The following MBP variants were observed in gnomAD, a reference collection of about 807,000 sequenced individuals.
The protein encoded by MBP is Golli-MBP.
Under a neutral mutation model 35.8 loss-of-function variants are expected in MBP, and 16 were observed. The ratio of observed to expected loss-of-function variants is 0.45; its 90% confidence interval spans 0.30 to 0.68. The LOEUF is 0.68. Among genes scored for constraint, MBP ranks in the 30% least tolerant of loss-of-function variants. MBP has a pLI of 0.08. For missense variants in MBP, 380 were observed against 404.7 expected, an observed-to-expected ratio of 0.94 and a Z score of 0.52; for synonymous variants, 143 against 159.6, an observed-to-expected ratio of 0.90 and a Z score of 0.78.
chr18:76,994,185 C>T (rs117483045), intron 4 of MBP, among the ~76,000 whole-genome samples: 31 of 152,328 alleles, frequency 2.0e-4, no homozygotes, highest in South Asian at 8.3e-4. Context: ...GTCTACCAGA[C>T]GAAGTTACTT....
chr18:77,113,510 C>G (rs1436292125), intron 1 of MBP: 1 of 152,322 alleles, frequency 6.6e-6, no homozygotes, highest in African/African-American at 2.4e-5. Context: ...TGTGGTGCCG[C>G]CTTGCAGCAG....
chr18:76,998,026 A>G lies in MBP; in HGVS notation c.577-7966T>C, dbSNP rs536081814. Reference sequence around the variant, plus strand: ...TAATTTTTTTATTGTGGTGAAACACACATAAAACTTACCATTCTAACAATT... The same window carrying G: ...TAATTTTTTTATTGTGGTGAAACACGCATAAAACTTACCATTCTAACAATT... On this transcript the variant is annotated intron_variant, in intron 4 of 8. Coordinates refer to ENST00000355994, the MANE Select transcript of MBP (RefSeq NM_001025101.2). Among the ~76,000 whole-genome samples the G allele has an allele frequency of 4.7e-4, 72 of 152,338 alleles. 1 individual carries two copies. Among genetic ancestry groups the G allele is most frequent in the African/African-American group, 1.7e-3 (71 of 41,590 alleles).
rs1053433720 is a variant in MBP at position 76,979,759 on chromosome 18, C to T, written c.*668G>A. 7.5e-5 allele frequency: 44 copies of T among 584,538 alleles called. No homozygotes were observed. Among genetic ancestry groups the T allele is most frequent in the Non-Finnish European group, 5.5e-5 (18 of 328,908 alleles). 36.2% of individuals were successfully genotyped at this position (584,538 alleles called of 1,614,324 possible). A position where few individuals can be genotyped will look rare whatever the true frequency, so the allele number is the denominator to read the frequency against. Reference sequence around the variant, plus strand: ...GCCTCCTTTTCCTCCCTCTGCCACACGCGAATTCAGCTAATTGGGGTGTGT... The same window carrying T: ...GCCTCCTTTTCCTCCCTCTGCCACATGCGAATTCAGCTAATTGGGGTGTGT... On this transcript the variant is annotated 3_prime_UTR_variant, in exon 9 of 9. Coordinates refer to ENST00000355994, the MANE Select transcript of MBP (RefSeq NM_001025101.2).
At chr18:77,042,992 A>G (rs754743884) in intron 3 of MBP, among the ~76,000 whole-genome samples, 2 of 152,266 alleles carry the variant, frequency 1.3e-5, no homozygotes, top group Admixed American at 6.5e-5. Flanking sequence ...ATGGCCTTGG[A>G]TAACTCTCTT....
At chr18:77,089,834 C>G (rs1425266155) in intron 2 of MBP, among the ~76,000 whole-genome samples, 1 of 152,220 alleles carries the variant, frequency 6.6e-6, no homozygotes, top group Non-Finnish European at 1.5e-5. Context: ...GAAGTCAGTT[C>G]AGGCCCTTGT....
intron 3 of MBP, among the ~76,000 whole-genome samples, chr18:77,027,223 G>A (rs1220397085): frequency 1.3e-5 from 2 of 152,080 alleles, no homozygotes; most frequent in Non-Finnish European, 2.9e-5. Context: ...ACCATGTACT[G>A]GGAATATAAT....
intron 3 of MBP, among the ~76,000 whole-genome samples, chr18:77,061,866 T>G (rs1056072970): frequency 6.6e-6 from 1 of 152,232 alleles, no homozygotes; most frequent in Non-Finnish European, 1.5e-5. Flanking sequence ...ACACAGATAT[T>G]TCTATCTCCA....
Position 77,076,064 on chromosome 18 carries a change from C to T in MBP, c.52-9679G>A, listed in dbSNP as rs369243058. On this transcript the variant is annotated intron_variant, in intron 2 of 8. Coordinates refer to ENST00000355994, the MANE Select transcript of MBP (RefSeq NM_001025101.2). Reference sequence around the variant, plus strand: ...CAAAGAGCACTGTGAGTGTGAGTTACGGAATGGCAGTGACGGTTTATGCTA... The same window carrying T: ...CAAAGAGCACTGTGAGTGTGAGTTATGGAATGGCAGTGACGGTTTATGCTA... Among the ~76,000 whole-genome samples the T allele has an allele frequency of 1.6e-4, 24 of 152,338 alleles. No homozygotes were observed. In the South Asian group the frequency reaches 1.9e-3, roughly 12 times the overall value.
At chr18:77,098,594 A>G (rs1036264814) in intron 2 of MBP, among the ~76,000 whole-genome samples, 1 of 152,232 alleles carries the variant, frequency 6.6e-6, no homozygotes, top group African/African-American at 2.4e-5. Context: ...GTGTGTTGTC[A>G]GAGAAAATTC....
chr18:77,043,834 C>T (rs1471508678), intron 3 of MBP, among the ~76,000 whole-genome samples: 1 of 152,184 alleles, frequency 6.6e-6, no homozygotes, highest in African/African-American at 2.4e-5. Context: ...ATTTAAGTCG[C>T]TGTTTCCACA....
At chr18:77,051,965 C>T (rs573319465) in intron 3 of MBP, among the ~76,000 whole-genome samples, 8 of 152,266 alleles carry the variant, frequency 5.3e-5, no homozygotes, top group African/African-American at 1.9e-4. Context: ...CAGGGACATG[C>T]CCTTCTCTCA....
At chr18:77,067,799 T>A (rs938171735) in intron 2 of MBP, 3 of 508,936 alleles carry the variant, frequency 5.9e-6, no homozygotes, top group African/African-American at 5.8e-5. Flanking sequence ...CCATAATATG[T>A]ACATAGTCTC....
intron 4 of MBP, among the ~76,000 whole-genome samples, chr18:76,991,374 A>G (rs1441209983): frequency 6.6e-6 from 1 of 152,168 alleles, no homozygotes; most frequent in African/African-American, 2.4e-5. Flanking sequence ...GGGAAAAGCC[A>G]TGAGCGCCCG....
At chr18:77,008,638 C>A (rs187690726) in intron 4 of MBP, among the ~76,000 whole-genome samples, 2 of 152,194 alleles carry the variant, frequency 1.3e-5, no homozygotes, top group African/African-American at 2.4e-5. Flanking sequence ...TGTCTGGCCC[C>A]GGCTCCCCCA....
chr18:76,979,928 T>C lies in MBP; in HGVS notation c.*499A>G, dbSNP rs1969081792. On this transcript the variant is annotated 3_prime_UTR_variant, in exon 9 of 9. Transcript: ENST00000355994. ...GACTGTCTAATCCTGTTAGGAAAAA[T>C]GAAGTCTACTTTAGGAGGTGAGAGA... 1 of 701,598 alleles carries C rather than the reference T, an allele frequency of 1.4e-6. No individual in the cohort carries two copies. The highest frequency in any genetic ancestry group is 2.0e-5 in the Admixed American group (1 of 49,884). 43.5% of individuals were successfully genotyped at this position (701,598 alleles called of 1,614,324 possible). A position where few individuals can be genotyped will look rare whatever the true frequency, so the allele number is the denominator to read the frequency against.
chr18:77,024,372 C>T lies in MBP; in HGVS notation c.140-7104G>A, dbSNP rs536674030. 2.0e-5 allele frequency among the ~76,000 whole-genome samples: 3 copies of T among 152,314 alleles called. No homozygotes were observed. In the East Asian group the frequency reaches 5.8e-4, roughly 29 times the overall value. ...ATTGGATACCCCGGTCTAAAGAATT[C>T]TGTTTAGAAATTAATTTCTGTAGCA... On this transcript the variant is annotated intron_variant, in intron 3 of 8. Transcript: ENST00000355994.
intron 3 of MBP, among the ~76,000 whole-genome samples, chr18:77,022,487 A>G (rs1280765891): frequency 6.6e-6 from 1 of 152,252 alleles, no homozygotes; most frequent in Non-Finnish European, 1.5e-5. Context: ...ATTGCACTGT[A>G]GTGTTTGAAA....
At chr18:77,018,964 TCATCCATCCATCCATC>T (rs58618620) in intron 3 of MBP, among the ~76,000 whole-genome samples, 10 of 122,480 alleles carry the variant, frequency 8.2e-5, no homozygotes, top group East Asian at 5.0e-4. Flanking sequence ...ATCTATCCAT[TCATCCATCCATCCATC>T]CATCCATCCA....
Position 76,989,114 on chromosome 18 carries a change from A to G in MBP, c.682-202T>C, listed in dbSNP as rs187496302. 1.3e-4 allele frequency: 92 copies of G among 701,106 alleles called. No individual in the cohort carries two copies. Among genetic ancestry groups the G allele is most frequent in the African/African-American group, 1.3e-3 (75 of 57,320 alleles). The allele number at this position is 701,106 out of a possible 1,614,324, so 43.4% of individuals were successfully genotyped here. A position where few individuals can be genotyped will look rare whatever the true frequency, so the allele number is the denominator to read the frequency against. ...ATATTCTAGATGATGCAGATCTCCC[A>G]GAGCACTCAGGAAGTGTTTCAGAGG... On this transcript the variant is annotated intron_variant, in intron 5 of 8. Transcript: ENST00000355994. The surrounding 1 kb of genome is among the most constrained non-coding windows in gnomAD (Gnocchi z 4.0).
Sources: gnomAD v4.1 joint callset for allele counts (sites outside exome capture counted in the v4.1 genomes callset) on GRCh38, gnomAD v4.1.1 for gene constraint, Gnocchi (gnomAD v3.1) non-coding constraint, MANE v1.5 for transcripts, NCBI Gene and HGNC (gene_info 2026-07-23, HGNC 2026-07-21) for gene names.